COG6: variants seen among roughly 807,000 people sequenced by gnomAD.
COG6 encodes the protein conserved oligomeric Golgi complex subunit 6.
In COG6, 74 loss-of-function variants were observed where a neutral mutation model predicts 88.8. The ratio of observed to expected loss-of-function variants is 0.83; its 90% CI spans 0.69 to 1.01. The LOEUF is 1.01. COG6 is among the 50% of genes least tolerant of loss of function. COG6 has a pLI of 0.00. For synonymous variants in COG6, 286 were observed against 278.7 expected, an observed-to-expected ratio of 1.03 and a Z score of -0.26; for missense variants, 800 against 797.9, an observed-to-expected ratio of 1.00 and a Z score of -0.03.
intron 18 of COG6, among the ~76,000 whole-genome samples, chr13:39,768,896 A>G (rs929266646): frequency 1.3e-5 from 2 of 151,846 alleles, no homozygotes; most frequent in African/African-American, 2.4e-5. Context: ...TTTTGCCCTG[A>G]CCTTTCACTT....
intron 12 of COG6, among the ~76,000 whole-genome samples, chr13:39,697,832 A>C (rs1441289894): frequency 6.6e-6 from 1 of 151,978 alleles, no homozygotes; most frequent in Non-Finnish European, 1.5e-5. Flanking sequence ...TAGTATTTAC[A>C]TGAGTGTAAT....
intron 18 of COG6, among the ~76,000 whole-genome samples, chr13:39,729,911 G>A (rs1879342487): frequency 6.6e-6 from 1 of 152,152 alleles, no homozygotes; most frequent in Non-Finnish European, 1.5e-5. Context: ...AACCAGCAGT[G>A]GGATTGAGTA....
At chr13:39,776,855 G>C (rs1023617674) in intron 18 of COG6, among the ~76,000 whole-genome samples, 6 of 152,248 alleles carry the variant, frequency 3.9e-5, no homozygotes, top group African/African-American at 1.4e-4. Flanking sequence ...AGTCTCATTT[G>C]ATTTTGTTTA....
downstream of COG6, among the ~76,000 whole-genome samples, chr13:39,756,101 A>G (rs1164249567): frequency 6.6e-6 from 1 of 152,224 alleles, no homozygotes. Context: ...AAAGTATGAG[A>G]AGAGTGTCTC....
chr13:39,775,702 G>T (rs1162968271), intron 18 of COG6, among the ~76,000 whole-genome samples: 1 of 151,884 alleles, frequency 6.6e-6, no homozygotes, highest in Non-Finnish European at 1.5e-5. Flanking sequence ...ACAAATTAAA[G>T]CATCTGGAAT....
chr13:39,680,469 A>G (rs1001908536), intron 7 of COG6, among the ~76,000 whole-genome samples: 1 of 152,252 alleles, frequency 6.6e-6, no homozygotes, highest in Admixed American at 6.5e-5. Flanking sequence ...AAATTATTAC[A>G]AACTGAGTGG....
In COG6 at chr13:39,742,875, A is replaced by G. The variant is rs1267315027; in HGVS notation, c.1827-8071A>G. On this transcript the variant is annotated intron_variant, in intron 18 of 18. Transcript: ENST00000455146. ...CGAAGTAAAGCACTCCTCAGCAAAT[A>G]TAAAAGAACAGAAATCACAACAAAC... Among the ~76,000 whole-genome samples the G allele has an allele frequency of 3.9e-5, 6 of 152,196 alleles. No homozygotes were observed. In the East Asian group the frequency reaches 1.2e-3, roughly 29 times the overall value.
chr13:39,694,584 A>G, intron 11 of COG6, 50 bp from the exon 12 acceptor site: 1 of 1,171,444 alleles, frequency 8.5e-7, no homozygotes, highest in South Asian at 1.2e-5. Context: ...TTAATGAAAA[A>G]AAGTTATACT....
rs770850956 is a variant in COG6 at position 39,751,206 on chromosome 13, A to G, written c.*113A>G. The G allele has an allele frequency of 2.6e-6, 4 of 1,530,412 alleles. No individual in the cohort carries two copies. Among genetic ancestry groups the G allele is most frequent in the Middle Eastern group, 2.0e-4 (1 of 4,914 alleles). The allele number at this position is 1,530,412 out of a possible 1,614,324, so 94.8% of individuals were successfully genotyped here. A position where few individuals can be genotyped will look rare whatever the true frequency, so the allele number is the denominator to read the frequency against. ...TGATAGTTACAGTTTTCTTTGTATC[A>G]TAAGATTGTAAGTCCCGATAATTTT... On this transcript the variant is annotated 3_prime_UTR_variant, in exon 19 of 19. Transcript: ENST00000455146.
chr13:39,788,355 G>C (rs1003283618), exon 19 of COG6: 14 of 1,551,790 alleles, frequency 9.0e-6, no homozygotes, highest in African/African-American at 1.4e-5. Context: ...AACGGCCCAT[G>C]ATCATCTTGT....
rs542574597 is a variant in COG6 at position 39,705,193 on chromosome 13, G to C, written c.1284+5575G>C. On this transcript the variant is annotated intron_variant, in intron 13 of 18. Coordinates refer to ENST00000455146, the MANE Select transcript of COG6 (RefSeq NM_020751.3). ...TTGTTAATAGAATTTTAAGTGAATA[G>C]TATAATTGTTGGAAAGAATAGCTTT... Among the ~76,000 whole-genome samples the C allele has an allele frequency of 3.9e-5, 6 of 152,296 alleles. No homozygotes were observed. In the South Asian group the frequency reaches 1.2e-3, roughly 32 times the overall value.
chr13:39,667,159 C>G (rs936514155), intron 4 of COG6, among the ~76,000 whole-genome samples: 1 of 152,052 alleles, frequency 6.6e-6, no homozygotes, highest in Non-Finnish European at 1.5e-5. Flanking sequence ...AAAAATATTG[C>G]ACAATTTTAA....
chr13:39,709,652 G>A (rs1000614848), intron 13 of COG6, among the ~76,000 whole-genome samples: 6 of 152,196 alleles, frequency 3.9e-5, no homozygotes, highest in African/African-American at 9.6e-5. Context: ...CATGGTGTGA[G>A]TGTATGTGTA....
intron 18 of COG6, chr13:39,788,263 A>C: frequency 7.1e-7 from 1 of 1,405,330 alleles, no homozygotes; most frequent in East Asian, 2.5e-5. Context: ...AATATGCAGG[A>C]ATGTGAGGTA....
chr13:39,675,061 G>A (rs566786056), intron 4 of COG6, among the ~76,000 whole-genome samples: 158 of 151,996 alleles, frequency 1.0e-3, no homozygotes, highest in African/African-American at 3.6e-3. Flanking sequence ...GATCTATTAT[G>A]TATTTTTCCA....
At chr13:39,660,957 A>C in intron 3 of COG6, 76 bp downstream of exon 3, 1 of 862,862 alleles carries the variant, frequency 1.2e-6, no homozygotes, top group Non-Finnish European at 2.0e-6. Context: ...AAATGTGTAG[A>C]TATCTAATCC....
intron 10 of COG6, 152 bp downstream of exon 10, chr13:39,687,951 C>T: frequency 1.5e-6 from 1 of 683,316 alleles, no homozygotes; most frequent in South Asian, 1.6e-5. Context: ...TAGATTCTCC[C>T]TCATTCTGCT....
At chr13:39,746,145 T>TGGGGTGCA (rs1880337926) in intron 18 of COG6, among the ~76,000 whole-genome samples, 1 of 151,398 alleles carries the variant, frequency 6.6e-6, no homozygotes, top group Non-Finnish European at 1.5e-5. Context: ...GATGAGTAAA[T>TGGGGTGCA]GGGGTGCAGC....
At chr13:39,744,716 A>G (rs1880242341) in intron 18 of COG6, among the ~76,000 whole-genome samples, 1 of 152,200 alleles carries the variant, frequency 6.6e-6, no homozygotes, top group African/African-American at 2.4e-5. Context: ...ATCCCCATCA[A>G]GGTACCAATG....
Sources: gnomAD v4.1 joint callset for allele counts (sites outside exome capture counted in the v4.1 genomes callset) on GRCh38, gnomAD v4.1.1 for gene constraint, MANE v1.5 for transcripts, NCBI Gene and HGNC (gene_info 2026-07-23, HGNC 2026-07-21) for gene names.